LAMA5: variants seen among roughly 807,000 people sequenced by gnomAD.
LAMA5 encodes the protein laminin subunit alpha 5.
LAMA5 carries 260 observed loss-of-function variants against 433.4 expected under a neutral mutation model. That is an observed-to-expected ratio of 0.60 (90% confidence interval 0.54 to 0.66). The LOEUF is 0.66. Ranked by LOEUF, LAMA5 falls within the 30% of genes least tolerant of loss-of-function variation. The probability of loss-of-function intolerance (pLI) is 0.00; values close to 1 mark genes in which losing one functional copy is unlikely to be tolerated. For synonymous variants in LAMA5, 2,620 were observed against 2,226.6 expected (o/e 1.18, Z -4.97); for missense variants, 5,378 against 5,258.5 (o/e 1.02, Z -0.70).
intron 11 of LAMA5, among the ~76,000 whole-genome samples, chr20:62,339,067 G>A (rs1001836378): frequency 3.3e-5 from 5 of 151,648 alleles, no homozygotes; most frequent in Non-Finnish European, 7.4e-5. Context: ...ACAAGGGAGA[G>A]GCGTGTTTGG....
intron 2 of LAMA5, among the ~76,000 whole-genome samples, chr20:62,353,536 G>A (rs1189768682): frequency 6.6e-6 from 1 of 152,198 alleles, no homozygotes; most frequent in Non-Finnish European, 1.5e-5. Flanking sequence ...GCAGGAGTTT[G>A]GGGTTCCCCC....
rs202000734 is a variant in LAMA5, at chr20:62,323,859, G to A, written c.5769-3C>T. The A allele has an allele frequency of 9.6e-5, 154 of 1,599,780 alleles. No homozygotes were observed. Among genetic ancestry groups the A allele is most frequent in the Non-Finnish European group, 1.3e-4 (153 of 1,173,318 alleles). ...GCAGGACACAGCCCTCGGCGAAGCT[G>A]CAAAGACCAGCAGCGTCAGTCACTA... is the stretch of plus-strand genomic sequence containing the variant. On this transcript the variant is annotated splice_polypyrimidine_tract_variant and splice_region_variant and intron_variant, in intron 43 of 79. Coordinates refer to ENST00000252999, the MANE Select transcript of LAMA5 (RefSeq NM_005560.6).
At position 62,318,861 on chromosome 20, in the gene LAMA5, A is replaced by G. The variant is rs1450878747; in HGVS notation, c.7024T>C (p.Leu2342=). 8 of 1,609,700 alleles carry G rather than the reference A, an allele frequency of 5.0e-6. No homozygotes were observed. In the Admixed American group the frequency reaches 1.2e-4, roughly 24 times the overall value. The stretch of plus-strand genomic sequence containing the variant: ...CACTCACATCTCTGTGCTGCAGCCA[A>G]CTCAGCCTCAGCTGCTGCCTGCGGG... ...GAPQAAAEAE[L]AAAQRLLARV... The change falls in exon 52 of 80, where the codon TTG becomes CTG. Residue 2342 remains leucine, a synonymous_variant. Transcript: ENST00000252999.
Position 62,316,662 on chromosome 20 carries a change from A to C in LAMA5, c.7756+9T>G. 6.4e-7 allele frequency: 1 copy of C among 1,569,856 alleles called. No homozygotes were observed. Among genetic ancestry groups the C allele is most frequent in the Admixed American group, 1.8e-5 (1 of 55,794 alleles). On this transcript the variant is annotated intron_variant, in intron 57 of 79. Coordinates refer to ENST00000252999, the MANE Select transcript of LAMA5 (RefSeq NM_005560.6). ...GGCCTAAGGGCCCCCATCGGAGCCCAGCACTCACCAAGGCCCAGCCTCTGC... is the reference window on the plus strand; with the variant it reads ...GGCCTAAGGGCCCCCATCGGAGCCCCGCACTCACCAAGGCCCAGCCTCTGC...
intron 18 of LAMA5, among the ~76,000 whole-genome samples, chr20:62,336,114 G>A (rs1294790911): frequency 8.1e-6 from 1 of 123,060 alleles, no homozygotes; most frequent in African/African-American, 3.2e-5. Flanking sequence ...CTCCCTCAGG[G>A]CACACTCGCA....
chr20:62,363,429 C>G (rs577572440), intron 1 of LAMA5, among the ~76,000 whole-genome samples: 20 of 152,280 alleles, frequency 1.3e-4, no homozygotes, highest in African/African-American at 4.6e-4. Context: ...GCTTCTGTCC[C>G]GGGCCTGCCA....
intron 11 of LAMA5, chr20:62,342,317 A>G: frequency 8.0e-6 from 3 of 376,066 alleles, no homozygotes; most frequent in Admixed American, 3.6e-5. Context: ...AAAAAAGATG[A>G]GGTAGAAAAT....
chr20:62,316,345 C>T (rs1010700081), intron 57 of LAMA5: 8 of 552,168 alleles, frequency 1.4e-5, no homozygotes, highest in Non-Finnish European at 2.6e-5. Context: ...CAGCTCACAC[C>T]TTTCTCATTG....
rs1568966913 is a variant in LAMA5, at chr20:62,346,960, T to C, written c.1025A>G (p.Gln342Arg). 12 of 1,612,708 alleles carry C rather than the reference T, an allele frequency of 7.4e-6. No individual in the cohort carries two copies. Among genetic ancestry groups the C allele is most frequent in the Non-Finnish European group, 1.0e-5 (12 of 1,179,904 alleles). The change falls in exon 7 of 80, where the codon CAG becomes CGG. Residue 342 changes from glutamine to arginine, a missense_variant. Physicochemically the swap from Gln to Arg is conservative, Grantham distance 43. Coordinates refer to ENST00000252999, the MANE Select transcript of LAMA5 (RefSeq NM_005560.6). ...TCDRCCPGFNQQPWKPATANS... is the reference protein window; with the variant it reads ...TCDRCCPGFNRQPWKPATANS... Reference sequence around the variant, plus strand: ...GGCAGTCGCAGGCTTCCACGGCTGCTGATTGAAGCCGGGGCAGCAGCGGTC... The same window carrying C: ...GGCAGTCGCAGGCTTCCACGGCTGCCGATTGAAGCCGGGGCAGCAGCGGTC...
At position 62,332,708 on chromosome 20, in the gene LAMA5, G is replaced by C. The variant is rs766243837; in HGVS notation, c.3292C>G (p.Gln1098Glu). 1 of 1,610,546 alleles carries C rather than the reference G, an allele frequency of 6.2e-7. No individual in the cohort carries two copies. The highest frequency in any genetic ancestry group is 1.1e-5 in the South Asian group (1 of 90,850). ...ITCTGSDVDVQLQVAVPQPGR... is the reference protein window; with the variant it reads ...ITCTGSDVDVELQVAVPQPGR... ...GGCTGTGGCACTGCCACTTGAAGCT[G>C]GACGTCCACCTGCAGGGAAGGCAGG... The change falls in exon 27 of 80, where the codon CAG becomes GAG. Residue 1098 changes from glutamine to glutamate, a missense_variant. Transcript: ENST00000252999.
At position 62,346,975 on chromosome 20, in the gene LAMA5, C is replaced by T; in HGVS notation, c.1010G>A (p.Cys337Tyr). ...CCACGGCTGCTGATTGAAGCCGGGG[C>T]AGCAGCGGTCGCAGGTGCCCCCGCA... Reference protein sequence around the residue: ...NTCGGTCDRCCPGFNQQPWKP... With the variant: ...NTCGGTCDRCYPGFNQQPWKP... The change falls in exon 7 of 80, where the codon TGC becomes TAC. Residue 337 changes from cysteine (C) to tyrosine (Y), a missense_variant. Coordinates refer to ENST00000252999, the MANE Select transcript of LAMA5 (RefSeq NM_005560.6). The T allele has an allele frequency of 1.2e-6, 2 of 1,612,646 alleles. No homozygotes were observed. The highest frequency in any genetic ancestry group is 8.5e-7 in the Non-Finnish European group (1 of 1,179,924).
chr20:62,360,003 G>A (rs1038607331), intron 2 of LAMA5, among the ~76,000 whole-genome samples: 28 of 149,648 alleles, frequency 1.9e-4, no homozygotes, highest in Admixed American at 1.5e-3. Flanking sequence ...GCCCGCTGCA[G>A]GGGGAGTGCC....
intron 40 of LAMA5, among the ~76,000 whole-genome samples, chr20:62,325,774 C>T (rs1388669959): frequency 2.0e-5 from 3 of 152,208 alleles, no homozygotes; most frequent in Non-Finnish European, 2.9e-5. Flanking sequence ...AATTGAAATA[C>T]ACAAAGAGAA....
intron 3 of LAMA5, among the ~76,000 whole-genome samples, 200 bp from the exon 4 acceptor site, chr20:62,352,560 C>T (rs1034557333): frequency 3.9e-5 from 6 of 152,142 alleles, no homozygotes; most frequent in Non-Finnish European, 5.9e-5. Flanking sequence ...CTCCCTTGCA[C>T]GCTTTGAGTG....
chr20:62,343,060 G>C (rs181362759), intron 11 of LAMA5, among the ~76,000 whole-genome samples: 2 of 152,098 alleles, frequency 1.3e-5, no homozygotes, highest in African/African-American at 2.4e-5. Context: ...TGGACTCCTC[G>C]CTTGCTTTTG....
At position 62,309,369 on chromosome 20, in the gene LAMA5, C is replaced by A. The variant is rs781397007; in HGVS notation, c.11055G>T (p.Gly3685=). Residue 3685 remains glycine (G), a synonymous_variant, in exon 80 of 80, where the codon GGG becomes GGT. Transcript: ENST00000252999. ...CTGGGCAGCCACTGGCCCCCACTGC[C>A]CCGTGGACCTCCACAGAGCGAGTCA... The part of the protein sequence containing the change: ...VAMTRSVEVH[G]AVGASGCPAA The A allele has an allele frequency of 1.9e-6, 3 of 1,590,590 alleles. No homozygotes were observed. The highest frequency in any genetic ancestry group is 2.5e-6 in the Non-Finnish European group (3 of 1,176,716).
rs770252991 is a variant in LAMA5, at chr20:62,317,752, G to T, written c.7266C>A (p.Asp2422Glu). ...ALQRKQELSR[D>E]NATLQATLHA... Reference sequence around the variant, plus strand: ...GCAGAGTGGCCTGCAGGGTGGCATTGTCCCGGGACAGCTCCTGCTTCCTTT... The same window carrying T: ...GCAGAGTGGCCTGCAGGGTGGCATTTTCCCGGGACAGCTCCTGCTTCCTTT... The change falls in exon 54 of 80, where the codon GAC (aspartate) becomes GAA (glutamate). Residue 2422 changes from aspartate (D) to glutamate (E), a missense_variant. Coordinates refer to ENST00000252999, the MANE Select transcript of LAMA5 (RefSeq NM_005560.6). 1 of 1,604,982 alleles carries T rather than the reference G, an allele frequency of 6.2e-7. No homozygotes were observed. Among genetic ancestry groups the T allele is most frequent in the Non-Finnish European group, 8.5e-7 (1 of 1,176,648 alleles).
chr20:62,342,316 G>A (rs1043747752), intron 11 of LAMA5: 12 of 372,436 alleles, frequency 3.2e-5, no homozygotes, highest in African/African-American at 2.5e-4. Context: ...AAAAAAAGAT[G>A]AGGTAGAAAA....
intron 11 of LAMA5, among the ~76,000 whole-genome samples, chr20:62,340,582 A>C (rs1201396555): frequency 6.6e-6 from 1 of 151,514 alleles, no homozygotes; most frequent in Non-Finnish European, 1.5e-5. Context: ...AAGTGCTGGG[A>C]TTACAGGCGT....
Sources: allele counts gnomAD v4.1 joint callset (sites outside exome capture counted in the v4.1 genomes callset), GRCh38; gene constraint gnomAD v4.1.1; transcripts MANE v1.5; gene names NCBI Gene and HGNC (gene_info 2026-07-23, HGNC 2026-07-21).